Variants in POU2F1 observed in about 807,000 individuals in gnomAD.
POU2F1 encodes the protein POU domain, class 2, transcription factor 1.
A neutral mutation model predicts 84.9 loss-of-function variants in POU2F1; 16 were observed. The observed-to-expected ratio is 0.19, with a 90% CI of 0.13 to 0.29. The LOEUF (loss-of-function observed/expected upper bound fraction) is 0.29, where lower values mean the gene tolerates loss of function less well. Ranked by LOEUF, POU2F1 falls within the 10% of genes least tolerant of loss-of-function variation. POU2F1 has a pLI of 1.00. For missense variants in POU2F1, 738 were observed against 942.6 expected (o/e 0.78, Z 2.84); for synonymous variants, 368 against 368.3 (o/e 1.00, Z 0.01).
At position 167,246,954 on chromosome 1, in the gene POU2F1, TATAA is replaced by T. The variant is rs1650363739; in HGVS notation, c.61+26003_61+26006del. Among the ~76,000 whole-genome samples the T allele has an allele frequency of 3.3e-5, 5 of 152,278 alleles. 1 individual carries two copies. In the South Asian group the frequency reaches 1.0e-3, roughly 32 times the overall value. On this transcript the variant is annotated intron_variant, in intron 1 of 15. Coordinates refer to ENST00000367866, the MANE Select transcript of POU2F1 (RefSeq NM_002697.4). ...GTTTATACTTTTAGATGCTTTAGGA[TATAA>T]ATAAATTGGTAACTATGAACCACGT...
intron 1 of POU2F1, among the ~76,000 whole-genome samples, chr1:167,290,366 C>A (rs537242574): frequency 1.3e-5 from 2 of 152,180 alleles, no homozygotes; most frequent in South Asian, 4.2e-4. Context: ...CATTGCACTT[C>A]AGCCTGGGCG....
Position 167,374,403 on chromosome 1 carries a change from C to T in POU2F1, c.591+107C>T, listed in dbSNP as rs902758766. On this transcript the variant is annotated intron_variant, in intron 6 of 15. Transcript: ENST00000367866. ...ATTGTTAGTGTGGGGCCTTAACTGCCTGAGGAGCTCTAGATCAGTGAGGTA... is the reference window on the plus strand; with the variant it reads ...ATTGTTAGTGTGGGGCCTTAACTGCTTGAGGAGCTCTAGATCAGTGAGGTA... 3 of 1,066,700 alleles carry T rather than the reference C, an allele frequency of 2.8e-6. No individual in the cohort carries two copies. The African/African-American group carries it at 4.8e-5, about 17-fold the overall frequency. The allele number at this position is 1,066,700 out of a possible 1,614,324, so 66.1% of individuals were successfully genotyped here.
chr1:167,415,263 A>G (rs539395774), intron 15 of POU2F1, among the ~76,000 whole-genome samples: 20 of 152,276 alleles, frequency 1.3e-4, no homozygotes, highest in African/African-American at 4.1e-4. Context: ...GCTGTCTTCT[A>G]CCCCTGCTTG....
At chr1:167,230,803 C>A (rs971646916) in intron 1 of POU2F1, among the ~76,000 whole-genome samples, 2 of 152,180 alleles carry the variant, frequency 1.3e-5, no homozygotes, top group African/African-American at 4.8e-5. Flanking sequence ...CTGGTAGGGA[C>A]AGAGTAGGCC....
chr1:167,333,144 C>T (rs1031178231), intron 2 of POU2F1, among the ~76,000 whole-genome samples: 6 of 152,042 alleles, frequency 3.9e-5, no homozygotes, highest in African/African-American at 1.5e-4. Flanking sequence ...AATTATACTT[C>T]ATTAAACCTT....
chr1:167,340,108 T>G (rs1657733113), intron 2 of POU2F1, among the ~76,000 whole-genome samples: 1 of 152,210 alleles, frequency 6.6e-6, no homozygotes, highest in Non-Finnish European at 1.5e-5. Flanking sequence ...AGATGGAATT[T>G]CACTGTCGTT....
intron 2 of POU2F1, among the ~76,000 whole-genome samples, chr1:167,364,767 C>G (rs1367443149): frequency 6.6e-6 from 1 of 151,562 alleles, no homozygotes; most frequent in African/African-American, 2.4e-5. Context: ...CAGGGTTTCA[C>G]CATGCTGCCC....
rs189007143 is a variant in POU2F1, at chr1:167,381,862, G to A, written c.719-1995G>A. On this transcript the variant is annotated intron_variant, in intron 7 of 15. Coordinates refer to ENST00000367866, the MANE Select transcript of POU2F1 (RefSeq NM_002697.4). ...TGACCTCAAGTGATCTGCCTGCCTCGGCCTCCCAAAGTGCTGGGATTACAC... is the reference window on the plus strand; with the variant it reads ...TGACCTCAAGTGATCTGCCTGCCTCAGCCTCCCAAAGTGCTGGGATTACAC... Among the ~76,000 whole-genome samples the A allele has an allele frequency of 1.3e-3, 196 of 151,780 alleles. 1 individual carries two copies. Among genetic ancestry groups the A allele is most frequent in the African/African-American group, 3.7e-3 (152 of 41,406 alleles).
At chr1:167,381,728 G>C (rs191925845) in intron 7 of POU2F1, among the ~76,000 whole-genome samples, 7 of 144,000 alleles carry the variant, frequency 4.9e-5, no homozygotes, top group Non-Finnish European at 9.0e-5. Flanking sequence ...CTCTTGCCTC[G>C]CCTCCCGAGT....
chr1:167,339,008 G>A (rs1051695806), intron 2 of POU2F1, among the ~76,000 whole-genome samples: 4 of 152,150 alleles, frequency 2.6e-5, no homozygotes, highest in Non-Finnish European at 5.9e-5. Context: ...TAAAATGAGA[G>A]TGTTGTAAGT....
At chr1:167,282,288 C>T (rs576348640) in intron 1 of POU2F1, among the ~76,000 whole-genome samples, 9 of 152,122 alleles carry the variant, frequency 5.9e-5, no homozygotes, top group East Asian at 5.8e-4. Flanking sequence ...GGATTACAGG[C>T]GCCCGCCACC....
chr1:167,378,599 T>C (rs958255711), intron 7 of POU2F1, among the ~76,000 whole-genome samples: 1 of 151,622 alleles, frequency 6.6e-6, no homozygotes, highest in African/African-American at 2.4e-5. Flanking sequence ...AGAGATGAGG[T>C]TTCACTATGT....
intron 12 of POU2F1, among the ~76,000 whole-genome samples, chr1:167,400,355 T>G (rs1035574274): frequency 6.6e-6 from 1 of 152,154 alleles, no homozygotes; most frequent in Non-Finnish European, 1.5e-5. Context: ...TCCATCATAC[T>G]CTTCTCTGGT....
Position 167,370,198 on chromosome 1 carries a change from A to G in POU2F1, c.266A>G (p.Gln89Arg). Residue 89 changes from glutamine (Q) to arginine (R), a missense_variant, in exon 4 of 16, where the codon CAG (glutamine) becomes CGG (arginine). Physicochemically the swap from Gln to Arg is conservative, Grantham distance 43 (BLOSUM62 1). Coordinates refer to ENST00000367866, the MANE Select transcript of POU2F1 (RefSeq NM_002697.4). ...LAGTSLQAAAQSLNVQSKSNE... is the reference protein window; with the variant it reads ...LAGTSLQAAARSLNVQSKSNE... ...GGAACAAGTTTACAGGCTGCTGCTC[A>G]GTCTTTAAATGTACAGGTAAGCTGG... The G allele has an allele frequency of 6.2e-7, 1 of 1,606,022 alleles. No individual in the cohort carries two copies. Among genetic ancestry groups the G allele is most frequent in the East Asian group, 2.2e-5 (1 of 44,814 alleles).
intron 2 of POU2F1, among the ~76,000 whole-genome samples, chr1:167,358,922 T>G (rs1346682684): frequency 6.6e-6 from 1 of 151,950 alleles, no homozygotes; most frequent in Admixed American, 6.6e-5. Context: ...TCTTATTTTC[T>G]TGTTCCATCT....
intron 1 of POU2F1, among the ~76,000 whole-genome samples, chr1:167,308,606 G>A (rs1655249652): frequency 6.6e-6 from 1 of 152,048 alleles, no homozygotes; most frequent in Non-Finnish European, 1.5e-5. Context: ...GCTCACTGAA[G>A]CTTCAAACTC....
rs574587442 is a variant in POU2F1 at position 167,305,423 on chromosome 1, C to T, written c.62-27047C>T. ...CCACGTTGCCCAGGCTGGTCTTGAA[C>T]TCCTGAGCTCAGGCAATCTGCCCGC... is the stretch of plus-strand genomic sequence containing the variant. On this transcript the variant is annotated intron_variant, in intron 1 of 15. Transcript: ENST00000367866. 5.3e-5 allele frequency among the ~76,000 whole-genome samples: 8 copies of T among 152,246 alleles called. No homozygotes were observed. The South Asian group carries it at 1.7e-3, about 32-fold the overall frequency.
intron 1 of POU2F1, among the ~76,000 whole-genome samples, chr1:167,275,308 G>A (rs1243453897): frequency 6.6e-6 from 1 of 151,960 alleles, no homozygotes; most frequent in African/African-American, 2.4e-5. Context: ...TTACAGGTGT[G>A]AGCCACTGTG....
chr1:167,422,304 A>T lies in POU2F1; in HGVS notation c.*6494A>T, dbSNP rs535366402. ...TTAATTTGGAGCCAAGAGGTGAGTGATTGATGTATCTTAAATCTAGGAAAG... is the reference window on the plus strand; with the variant it reads ...TTAATTTGGAGCCAAGAGGTGAGTGTTTGATGTATCTTAAATCTAGGAAAG... On this transcript the variant is annotated 3_prime_UTR_variant, in exon 16 of 16. Transcript: ENST00000367866. The T allele has an allele frequency of 6.6e-6, 1 of 150,980 alleles. No homozygotes were observed. The highest frequency in any genetic ancestry group is 6.5e-5 in the Admixed American group (1 of 15,298). 9.4% of individuals were successfully genotyped at this position (150,980 alleles called of 1,614,324 possible). A position where few individuals can be genotyped will look rare whatever the true frequency, so the allele number is the denominator to read the frequency against.
Sources: gnomAD v4.1 joint callset for allele counts (sites outside exome capture counted in the v4.1 genomes callset) on GRCh38, gnomAD v4.1.1 for gene constraint, MANE v1.5 for transcripts, NCBI Gene and HGNC (gene_info 2026-07-23, HGNC 2026-07-21) for gene names.